Variants in LMLN observed in about 807,000 individuals in gnomAD.
LMLN encodes the protein leishmanolysin-like peptidase.
In LMLN, 70 loss-of-function variants were observed where a neutral mutation model predicts 92.3. That is an observed-to-expected ratio of 0.76 (90% CI 0.63 to 0.92). The LOEUF is 0.92. Ranked by LOEUF, LMLN falls within the 40% of genes least tolerant of loss-of-function variation. The pLI is 0.00. For missense variants in LMLN, 691 were observed against 814.6 expected (o/e 0.85, Z 1.85); for synonymous variants, 308 against 296.2 (o/e 1.04, Z -0.41).
At chr3:198,018,068 C>T (rs1403017990) in intron 11 of LMLN, among the ~76,000 whole-genome samples, 4 of 152,194 alleles carry the variant, frequency 2.6e-5, no homozygotes, top group Non-Finnish European at 5.9e-5. Context: ...GAATCTTAGA[C>T]AGCTCTAACT....
intron 1 of LMLN, among the ~76,000 whole-genome samples, chr3:197,970,308 G>T (rs1411689183): frequency 1.3e-5 from 2 of 152,196 alleles, no homozygotes; most frequent in Admixed American, 6.5e-5. Flanking sequence ...GACCACTCCA[G>T]GTTTGGTGAT....
chr3:198,000,718 G>A (rs1057142613), intron 11 of LMLN, among the ~76,000 whole-genome samples: 7 of 152,084 alleles, frequency 4.6e-5, no homozygotes, highest in African/African-American at 1.4e-4. Context: ...GTGAGCCACC[G>A]TGCCCAGCAT....
At chr3:198,018,581 T>C (rs1722703149) in intron 11 of LMLN, among the ~76,000 whole-genome samples, 1 of 152,258 alleles carries the variant, frequency 6.6e-6, no homozygotes, top group East Asian at 1.9e-4. Flanking sequence ...AGATGTATGC[T>C]GAGACACCAT....
exon 16 of LMLN, chr3:198,038,936 ACCACCTCGTCAGCAACCCAG>A (rs1560160670): frequency 8.1e-6 from 2 of 246,818 alleles, no homozygotes; most frequent in South Asian, 4.8e-5. Context: ...CAGCAACCCA[ACCACCTCGTCAGCAACCCAG>A]CCACCTTCAT....
In LMLN at chr3:197,976,629, GA is replaced by G; in HGVS notation, c.467del (p.Asn156ThrfsTer90). 1 of 1,599,396 alleles carries G rather than the reference GA, an allele frequency of 6.3e-7. No homozygotes were observed. The highest frequency in any genetic ancestry group is 8.5e-7 in the Non-Finnish European group (1 of 1,170,218). On this transcript the variant is annotated frameshift_variant, in exon 5 of 16. Coordinates refer to ENST00000330198, the Ensembl canonical transcript of LMLN. LOFTEE classifies it high-confidence loss of function. ...TGCAACAAACCAATACCTCCGGAAG[GA>G]AAACGATCCTCACAGGTACTGCACC... is the stretch of plus-strand genomic sequence containing the variant.
At chr3:197,979,113 G>T (rs1207835200) in intron 5 of LMLN, among the ~76,000 whole-genome samples, 1 of 152,106 alleles carries the variant, frequency 6.6e-6, no homozygotes, top group Non-Finnish European at 1.5e-5. Flanking sequence ...CTATAAACAT[G>T]TATTCTTTGA....
At chr3:197,985,584 G>A (rs78688611) in intron 7 of LMLN, 21,462 of 351,662 alleles carry the variant, frequency 0.061, 789 homozygotes, top group African/African-American at 0.1. Flanking sequence ...AAAATTTCTC[G>A]TTAGAAATAT....
At chr3:198,022,394 G>C (rs997723003) in intron 13 of LMLN, among the ~76,000 whole-genome samples, 3 of 152,124 alleles carry the variant, frequency 2.0e-5, no homozygotes, top group Non-Finnish European at 4.4e-5. Context: ...TTTTCTCTCT[G>C]TGTTCATCAG....
intron 10 of LMLN, among the ~76,000 whole-genome samples, chr3:197,998,191 C>G (rs1353366341): frequency 6.6e-6 from 1 of 152,196 alleles, no homozygotes; most frequent in Non-Finnish European, 1.5e-5. Flanking sequence ...GAGGACCAGC[C>G]TGGCTTAGAA....
Position 198,020,768 on chromosome 3 carries a change from ATTTTTTTTTTTT to A in LMLN, c.1366-657_1366-646del, listed in dbSNP as rs71166715. Among the ~76,000 whole-genome samples, 280 of 32,872 alleles carry A rather than the reference ATTTTTTTTTTTT, an allele frequency of 8.5e-3. 4 individuals are homozygous for A. Among genetic ancestry groups the A allele is most frequent in the African/African-American group, 0.031 (256 of 8,336 alleles). 21.6% of individuals were successfully genotyped at this position (32,872 alleles called of 152,430 possible). A position where few individuals can be genotyped will look rare whatever the true frequency, so the allele number is the denominator to read the frequency against. ...GCCACCACACCCAGCTAATTTTTGT[ATTTTTTTTTTTT>A]TTTTTTTTTTTTTTTTTTTTAGTAG... On this transcript the variant is annotated intron_variant, in intron 12 of 15. Transcript: ENST00000330198.
intron 11 of LMLN, among the ~76,000 whole-genome samples, chr3:198,008,496 C>G (rs1407614818): frequency 2.0e-5 from 3 of 152,186 alleles, no homozygotes; most frequent in Non-Finnish European, 4.4e-5. Flanking sequence ...GAGGCTGAGG[C>G]AGGCTGATTG....
At chr3:198,027,045 C>T (rs950788686) in intron 14 of LMLN, among the ~76,000 whole-genome samples, 1 of 152,108 alleles carries the variant, frequency 6.6e-6, no homozygotes, top group Non-Finnish European at 1.5e-5. Flanking sequence ...TTGATTCCAT[C>T]GGTTGGAGAC....
intron 11 of LMLN, among the ~76,000 whole-genome samples, chr3:198,010,495 T>C (rs1002819209): frequency 2.0e-5 from 3 of 151,646 alleles, no homozygotes; most frequent in Non-Finnish European, 4.4e-5. Context: ...TTGCCCAGGC[T>C]TGAGTACAAT....
At chr3:198,001,671 T>C (rs1249810800) in intron 11 of LMLN, among the ~76,000 whole-genome samples, 1 of 152,200 alleles carries the variant, frequency 6.6e-6, no homozygotes, top group East Asian at 1.9e-4. Context: ...ACTCCTTCAG[T>C]TTCTGTCTGA....
intron 4 of LMLN, 146 bp downstream of exon 4, chr3:197,976,257 A>G: frequency 1.9e-6 from 1 of 533,338 alleles, no homozygotes; most frequent in South Asian, 3.1e-5. Context: ...TTTAAAAAGA[A>G]TAAAAAAGCA....
At chr3:197,988,975 A>C (rs1200263332) in intron 8 of LMLN, among the ~76,000 whole-genome samples, 2 of 152,220 alleles carry the variant, frequency 1.3e-5, no homozygotes, top group South Asian at 2.1e-4. Context: ...GAGCCACTGC[A>C]CCTGGCCTAT....
chr3:198,036,863 T>A (rs1000448842), intron 15 of LMLN, among the ~76,000 whole-genome samples: 1 of 152,192 alleles, frequency 6.6e-6, no homozygotes, highest in Non-Finnish European at 1.5e-5. Flanking sequence ...TTATGCAATG[T>A]TTCATTTTCT....
intron 9 of LMLN, among the ~76,000 whole-genome samples, chr3:197,995,028 A>G (rs1277199909): frequency 6.6e-6 from 1 of 152,202 alleles, no homozygotes; most frequent in Admixed American, 6.5e-5. Flanking sequence ...ATAGGTTGGA[A>G]CTGCTCAGGT....
chr3:197,964,589 G>C (rs1008745581), intron 1 of LMLN, among the ~76,000 whole-genome samples: 3 of 151,698 alleles, frequency 2.0e-5, no homozygotes, highest in African/African-American at 7.2e-5. Flanking sequence ...AGTGGAGATG[G>C]GGTTTCACCA....
Sources: gnomAD v4.1 joint callset for allele counts (sites outside exome capture counted in the v4.1 genomes callset) on GRCh38, gnomAD v4.1.1 for gene constraint, MANE v1.5 for transcripts, NCBI Gene and HGNC (gene_info 2026-07-23, HGNC 2026-07-21) for gene names.